Variants in EDEM1 observed in about 807,000 individuals in gnomAD.
The protein encoded by EDEM1 is ER degradation enhancing alpha-mannosidase like protein 1.
A neutral mutation model predicts 74.4 loss-of-function variants in EDEM1; 67 were observed. The observed-to-expected ratio is 0.90, with a 90% CI of 0.74 to 1.10. The LOEUF (loss-of-function observed/expected upper bound fraction) is 1.10, where lower values mean the gene tolerates loss of function less well. EDEM1 is among the 50% of genes least tolerant of loss of function. EDEM1 has a pLI of 0.00. For synonymous variants in EDEM1, 382 were observed against 335.9 expected (o/e 1.14, Z -1.50); for missense variants, 926 against 851.6 (o/e 1.09, Z -1.09).
chr3:5,213,801 A>G (rs939033022), intron 11 of EDEM1, among the ~76,000 whole-genome samples: 2 of 152,164 alleles, frequency 1.3e-5, no homozygotes, highest in Non-Finnish European at 2.9e-5. Flanking sequence ...AGCACTCAGC[A>G]GGAGCCACGG....
At chr3:5,191,753 A>T (rs1477272272) in intron 1 of EDEM1, among the ~76,000 whole-genome samples, 1 of 152,202 alleles carries the variant, frequency 6.6e-6, no homozygotes, top group Admixed American at 6.5e-5. Context: ...ACATGAAGTG[A>T]ATAAAACCTG....
Position 5,194,233 on chromosome 3 carries a change from T to C in EDEM1, c.510-976T>C, listed in dbSNP as rs568811229. On this transcript the variant is annotated intron_variant, in intron 1 of 11. Transcript: ENST00000256497. ...AAAACTGGAGCTTTTTTGCTTTGGTTGCTAATAAAATCTTTAAACAGTTGT... is the reference window on the plus strand; with the variant it reads ...AAAACTGGAGCTTTTTTGCTTTGGTCGCTAATAAAATCTTTAAACAGTTGT... Among the ~76,000 whole-genome samples the C allele has an allele frequency of 2.4e-4, 37 of 152,366 alleles. 1 individual carries two copies. The South Asian group carries it at 7.2e-3, about 30-fold the overall frequency.
intron 10 of EDEM1, among the ~76,000 whole-genome samples, chr3:5,211,736 A>C (rs150027059): frequency 5.9e-5 from 9 of 151,882 alleles, no homozygotes; most frequent in East Asian, 1.9e-4. Context: ...GGTATTACCT[A>C]ATGTTCATAT....
At position 5,219,658 on chromosome 3, in the gene EDEM1, C is replaced by T. The variant is rs2055289433; in HGVS notation, c.*3740C>T. 1 of 152,572 alleles carries T rather than the reference C, an allele frequency of 6.6e-6. No individual in the cohort carries two copies. The highest frequency in any genetic ancestry group is 2.4e-5 in the African/African-American group (1 of 41,426). 9.5% of individuals were successfully genotyped at this position (152,572 alleles called of 1,614,324 possible). ...TTAGTTTTAAATAGCAAAACACAAG[C>T]TGCATTTTTATTTATTTTGCATAAG... On this transcript the variant is annotated 3_prime_UTR_variant, in exon 12 of 12. Transcript: ENST00000256497.
chr3:5,208,147 A>C lies in EDEM1; in HGVS notation c.1393A>C (p.Ile465Leu). Residue 465 changes from isoleucine to leucine, a missense_variant, in exon 8 of 12, where the codon ATA (isoleucine) becomes CTA (leucine). Ile to Leu is a conservative substitution (Grantham distance 5). Transcript: ENST00000256497. ...AICLHAFYYA[I>L]WKRYGALPER... Reference sequence around the variant, plus strand: ...CTGCCTTCATGCCTTCTACTATGCCATATGGAAACGATATGGTGCCCTCCC... The same window carrying C: ...CTGCCTTCATGCCTTCTACTATGCCCTATGGAAACGATATGGTGCCCTCCC... 6.2e-7 allele frequency: 1 copy of C among 1,612,814 alleles called. No homozygotes were observed. The highest frequency in any genetic ancestry group is 8.5e-7 in the Non-Finnish European group (1 of 1,179,694).
At chr3:5,195,069 T>C (rs2054948114) in intron 1 of EDEM1, 140 bp from the exon 2 acceptor site, 4 of 455,144 alleles carry the variant, frequency 8.8e-6, no homozygotes, top group Non-Finnish European at 1.2e-5. Context: ...TAGAAAGACC[T>C]TTGCTGTATT....
intron 4 of EDEM1, among the ~76,000 whole-genome samples, chr3:5,202,613 A>C (rs1218575039): frequency 6.6e-6 from 1 of 152,184 alleles, no homozygotes; most frequent in South Asian, 2.1e-4. Flanking sequence ...ATAGTGGTTC[A>C]TTTAAAATTT....
rs983310167 is a variant in EDEM1, at chr3:5,202,966, G to A, written c.859G>A (p.Val287Met). ...AGTCTTTGTCTGTTCCCATCCCCAGGTGAATCTAAAGACAGGAGTTCCTCC... is the reference window on the plus strand; with the variant it reads ...AGTCTTTGTCTGTTCCCATCCCCAGATGAATCTAAAGACAGGAGTTCCTCC... ...NTKTGIPYPR[V>M]NLKTGVPPDT... Residue 287 changes from valine to methionine, a missense_variant and splice_region_variant, in exon 5 of 12, where the codon GTG (valine) becomes ATG (methionine). Transcript: ENST00000256497. 1.2e-6 allele frequency: 2 copies of A among 1,613,150 alleles called. No individual in the cohort carries two copies. The highest frequency in any genetic ancestry group is 1.7e-6 in the Non-Finnish European group (2 of 1,179,538).
chr3:5,205,107 G>A lies in EDEM1; in HGVS notation c.1083G>A (p.Lys361=), dbSNP rs752343742. The change falls in exon 6 of 12, where the codon AAG becomes AAA. Residue 361 remains lysine (K), a synonymous_variant. Coordinates refer to ENST00000256497, the MANE Select transcript of EDEM1 (RefSeq NM_014674.3). ...TTCAGACGGGCCACTGGGTTGGAAA[G>A]CAGAGTGGCCTGGGTGCCGGGCTGG... ...VNIQTGHWVG[K]QSGLGAGLDS... 6.2e-7 allele frequency: 1 copy of A among 1,614,216 alleles called. No homozygotes were observed. Among genetic ancestry groups the A allele is most frequent in the Non-Finnish European group, 8.5e-7 (1 of 1,180,016 alleles).
rs746282668 is a variant in EDEM1, at chr3:5,201,757, C to T, written c.691C>T (p.Leu231=). ...VQVFEATIRV[L]GSLLSAHRII... is the part of the protein sequence containing the mutation. The stretch of plus-strand genomic sequence containing the variant: ...TTTTGTTCTTCCTGTCATTAGGGTC[C>T]TGGGAAGCCTCCTTTCTGCTCACAG... The change falls in exon 4 of 12, where the codon CTG becomes TTG. Residue 231 remains leucine, a synonymous_variant. Transcript: ENST00000256497. The T allele has an allele frequency of 9.3e-6, 15 of 1,613,966 alleles. No individual in the cohort carries two copies. The East Asian group carries it at 3.3e-4, about 36-fold the overall frequency.
rs1301183927 is a variant in EDEM1 at position 5,219,014 on chromosome 3, T to A, written c.*3096T>A. 1 of 152,190 alleles carries A rather than the reference T, an allele frequency of 6.6e-6. No homozygotes were observed. Among genetic ancestry groups the A allele is most frequent in the Non-Finnish European group, 1.5e-5 (1 of 68,020 alleles). The allele number at this position is 152,190 out of a possible 1,614,324, so 9.4% of individuals were successfully genotyped here. A position where few individuals can be genotyped will look rare whatever the true frequency, so the allele number is the denominator to read the frequency against. On this transcript the variant is annotated 3_prime_UTR_variant, in exon 12 of 12. Transcript: ENST00000256497. The stretch of plus-strand genomic sequence containing the variant: ...GGATGGTGTCTGTGCACGTGACTAT[T>A]AGAGGAGCGTCTGTAGAAGTACCTG...
chr3:5,211,716 C>A (rs900049323), intron 10 of EDEM1, among the ~76,000 whole-genome samples: 1 of 151,716 alleles, frequency 6.6e-6, no homozygotes, highest in Non-Finnish European at 1.5e-5. Context: ...TGGACCTGGA[C>A]GAACCCTTTG....
chr3:5,204,510 C>T (rs1176830768), intron 5 of EDEM1, among the ~76,000 whole-genome samples: 1 of 152,098 alleles, frequency 6.6e-6, no homozygotes, highest in Non-Finnish European at 1.5e-5. Flanking sequence ...CCCATCTCAG[C>T]CTCCTGAGTA....
At chr3:5,211,324 C>A in intron 10 of EDEM1, 108 bp downstream of exon 10, 1 of 1,050,432 alleles carries the variant, frequency 9.5e-7, no homozygotes, top group Non-Finnish European at 1.4e-6. Context: ...ATGTGCTGGA[C>A]ATTGTGCATT....
chr3:5,191,597 G>C lies in EDEM1; in HGVS notation c.509+3283G>C, dbSNP rs181585130. On this transcript the variant is annotated intron_variant, in intron 1 of 11. Transcript: ENST00000256497. The stretch of plus-strand genomic sequence containing the variant: ...TGACTCATTTAACAAGAGTGAATTT[G>C]CCATTAGAGTATTATATAAAAAGTA... 2.2e-3 allele frequency among the ~76,000 whole-genome samples: 340 copies of C among 152,238 alleles called. 14 individuals carry two copies. In the South Asian group the frequency reaches 0.067, roughly 30 times the overall value.
At chr3:5,198,035 G>A (rs944300098) in intron 2 of EDEM1, among the ~76,000 whole-genome samples, 2 of 151,844 alleles carry the variant, frequency 1.3e-5, no homozygotes, top group African/African-American at 4.9e-5. Context: ...AAAGACAAAT[G>A]GTTACATTTT....
Position 5,188,057 on chromosome 3 carries a change from C to A in EDEM1, c.252C>A (p.Arg84=). The change falls in exon 1 of 12, where the codon CGC becomes CGA. Residue 84 remains arginine (R), a synonymous_variant. Transcript: ENST00000256497. ...PPGTGAAQSP[R]KAPRRPGPGM... is the part of the protein sequence containing the mutation. ...GGACCGGGGCAGCGCAGAGCCCGCG[C>A]AAGGCTCCGCGGCGTCCTGGGCCGG... 7.0e-7 allele frequency: 1 copy of A among 1,436,168 alleles called. No homozygotes were observed. The highest frequency in any genetic ancestry group is 9.1e-7 in the Non-Finnish European group (1 of 1,096,780). The allele number at this position is 1,436,168 out of a possible 1,614,324, so 89.0% of individuals were successfully genotyped here. A position where few individuals can be genotyped will look rare whatever the true frequency, so the allele number is the denominator to read the frequency against.
chr3:5,193,341 C>T (rs965659444), intron 1 of EDEM1, among the ~76,000 whole-genome samples: 1 of 152,194 alleles, frequency 6.6e-6, no homozygotes, highest in Non-Finnish European at 1.5e-5. Context: ...TTGAGCCCCT[C>T]CTGCAACCCT....
At chr3:5,197,275 A>G (rs1186576918) in intron 2 of EDEM1, among the ~76,000 whole-genome samples, 3 of 152,210 alleles carry the variant, frequency 2.0e-5, no homozygotes, top group African/African-American at 7.2e-5. Context: ...TTCTGTTTCT[A>G]AATGAACTTG....
Sources: gnomAD v4.1 joint callset for allele counts (sites outside exome capture counted in the v4.1 genomes callset) on GRCh38, gnomAD v4.1.1 for gene constraint, MANE v1.5 for transcripts, NCBI Gene and HGNC (gene_info 2026-07-23, HGNC 2026-07-21) for gene names.